ACAN: variants seen among roughly 807,000 people sequenced by gnomAD.
ACAN encodes the protein aggrecan core protein.
ACAN carries 47 observed loss-of-function variants against 169.1 expected under a neutral mutation model. That is an observed-to-expected ratio of 0.28 (90% CI 0.22 to 0.35). ACAN has a LOEUF of 0.35. Ranked by LOEUF, ACAN falls within the 10% of genes least tolerant of loss-of-function variation. ACAN has a pLI of 1.00. For missense variants in ACAN, 2,716 were observed against 2,759.9 expected, an observed-to-expected ratio of 0.98 and a Z score of 0.36; for synonymous variants, 1,115 against 1,112.2, an observed-to-expected ratio of 1.00 and a Z score of -0.05.
Position 88,817,933 on chromosome 15 carries a change from A to G in ACAN, c.-8+14124A>G, listed in dbSNP as rs1009193665. Among the ~76,000 whole-genome samples, 4 of 152,234 alleles carry G rather than the reference A, an allele frequency of 2.6e-5. No homozygotes were observed. The South Asian group carries it at 6.2e-4, about 24-fold the overall frequency. ...TATACTATAGACTTACCACCCAAAG[A>G]TAACCAGAGTTAAATTTCTGTCTGT... is the stretch of plus-strand genomic sequence containing the variant. On this transcript the variant is annotated intron_variant, in intron 1 of 18. Coordinates refer to ENST00000560601, the MANE Select transcript of ACAN (RefSeq NM_001369268.1).
At position 88,814,101 on chromosome 15, in the gene ACAN, G is replaced by A. The variant is rs1392447494; in HGVS notation, c.-8+10292G>A. ...ATAGAAGGGCTCCAGGCTCACCAAA[G>A]TGACTTCGTCAGCAGCCATCCCTCA... On this transcript the variant is annotated intron_variant, in intron 1 of 18. Coordinates refer to ENST00000560601, the MANE Select transcript of ACAN (RefSeq NM_001369268.1). This position sits in a 1 kb window ranked among gnomAD's most constrained non-coding sequence, Gnocchi z 4.0. Among the ~76,000 whole-genome samples, 3 of 152,222 alleles carry A rather than the reference G, an allele frequency of 2.0e-5. No homozygotes were observed. The highest frequency in any genetic ancestry group is 7.2e-5 in the African/African-American group (3 of 41,452).
At chr15:88,808,123 C>T (rs1424109593) in intron 1 of ACAN, among the ~76,000 whole-genome samples, 1 of 152,184 alleles carries the variant, frequency 6.6e-6, no homozygotes, top group Non-Finnish European at 1.5e-5. Context: ...GGCAGATCTG[C>T]AATGCCTGAC....
chr15:88,854,553 C>A (rs1296724708), intron 11 of ACAN, among the ~76,000 whole-genome samples: 2 of 152,168 alleles, frequency 1.3e-5, no homozygotes. Flanking sequence ...CAAAGTACAA[C>A]CTGTGTAGCC....
rs1202193543 is a variant in ACAN, at chr15:88,814,036, A to G, written c.-8+10227A>G. ...ATGACATCTAGTGCTTAGACTCACA[A>G]AAGAATCCATTCAGCCATTGTCTTC... On this transcript the variant is annotated intron_variant, in intron 1 of 18. Transcript: ENST00000560601. The surrounding 1 kb of genome is among the most constrained non-coding windows in gnomAD (Gnocchi z 4.0). Among the ~76,000 whole-genome samples, 1 of 152,288 alleles carries G rather than the reference A, an allele frequency of 6.6e-6. No homozygotes were observed. Among genetic ancestry groups the G allele is most frequent in the African/African-American group, 2.4e-5 (1 of 41,566 alleles).
In ACAN at chr15:88,870,918, C is replaced by T. The variant is rs1319299555; in HGVS notation, c.7061-464C>T. 6.6e-6 allele frequency among the ~76,000 whole-genome samples: 1 copy of T among 152,184 alleles called. No homozygotes were observed. The highest frequency in any genetic ancestry group is 1.5e-5 in the Non-Finnish European group (1 of 68,040). ...GGTTCTGCAGGAAGGAAACTGCCAGCTCCGCTCCATGCCCCAGCGCTACCA... is the reference window on the plus strand; with the variant it reads ...GGTTCTGCAGGAAGGAAACTGCCAGTTCCGCTCCATGCCCCAGCGCTACCA... On this transcript the variant is annotated intron_variant, in intron 14 of 18. Coordinates refer to ENST00000560601, the MANE Select transcript of ACAN (RefSeq NM_001369268.1). This position sits in a 1 kb window ranked among gnomAD's most constrained non-coding sequence, Gnocchi z 6.3.
At chr15:88,828,366 G>A (rs1207836630) in intron 1 of ACAN, among the ~76,000 whole-genome samples, 5 of 152,080 alleles carry the variant, frequency 3.3e-5, no homozygotes, top group South Asian at 4.2e-4. Flanking sequence ...GACACTCTCC[G>A]TGGTGTCATT....
At chr15:88,832,980 C>T (rs541520331) in intron 1 of ACAN, among the ~76,000 whole-genome samples, 9 of 152,304 alleles carry the variant, frequency 5.9e-5, no homozygotes, top group African/African-American at 1.7e-4. Context: ...TTGAAACAGC[C>T]GTGGGGCAGG....
At position 88,849,375 on chromosome 15, in the gene ACAN, G is replaced by A. The variant is rs1896873710; in HGVS notation, c.1733-63G>A. 6.9e-7 allele frequency: 1 copy of A among 1,447,588 alleles called. No individual in the cohort carries two copies. 89.7% of individuals were successfully genotyped at this position (1,447,588 alleles called of 1,614,324 possible). A position where few individuals can be genotyped will look rare whatever the true frequency, so the allele number is the denominator to read the frequency against. On this transcript the variant is annotated intron_variant, in intron 9 of 18. Coordinates refer to ENST00000560601, the MANE Select transcript of ACAN (RefSeq NM_001369268.1). The surrounding 1 kb of genome is among the most constrained non-coding windows in gnomAD (Gnocchi z 5.1). Reference sequence around the variant, plus strand: ...GGTTAGAGGAACTCTGTCCTGGGTGGGCAGGGATGGACCTGGCCTGAGTGT... The same window carrying A: ...GGTTAGAGGAACTCTGTCCTGGGTGAGCAGGGATGGACCTGGCCTGAGTGT...
At chr15:88,853,773 CAT>C (rs1896985665) in intron 11 of ACAN, among the ~76,000 whole-genome samples, 1 of 151,690 alleles carries the variant, frequency 6.6e-6, no homozygotes, top group Non-Finnish European at 1.5e-5. Flanking sequence ...TACATACATA[CAT>C]ACATACATAC....
Position 88,873,066 on chromosome 15 carries a change from A to T in ACAN, c.7447+41A>T. ...GGAGGGGTCAGGGGAGGATAGGATC[A>T]AGACCTCCAGCTACAGGTGAGGCTC... On this transcript the variant is annotated intron_variant, in intron 17 of 18. Transcript: ENST00000560601. This position sits in a 1 kb window ranked among gnomAD's most constrained non-coding sequence, Gnocchi z 7.5. 6.3e-7 allele frequency: 1 copy of T among 1,598,296 alleles called. No homozygotes were observed. Among genetic ancestry groups the T allele is most frequent in the Non-Finnish European group, 8.5e-7 (1 of 1,171,724 alleles).
chr15:88,868,471 T>G lies in ACAN; in HGVS notation c.7060+142T>G. ...GGAGAGCCATTTCAGGGGCCACAAC[T>G]GAAAATTCTGCCCCACTGATTCCCA... On this transcript the variant is annotated intron_variant, in intron 14 of 18. Coordinates refer to ENST00000560601, the MANE Select transcript of ACAN (RefSeq NM_001369268.1). This position sits in a 1 kb window ranked among gnomAD's most constrained non-coding sequence, Gnocchi z 5.2. The G allele has an allele frequency of 3.4e-6, 2 of 587,382 alleles. No homozygotes were observed. Among genetic ancestry groups the G allele is most frequent in the South Asian group, 4.1e-5 (2 of 48,610 alleles). 36.4% of individuals were successfully genotyped at this position (587,382 alleles called of 1,614,324 possible). A position where few individuals can be genotyped will look rare whatever the true frequency, so the allele number is the denominator to read the frequency against.
At chr15:88,803,959 C>G (rs905334001) in intron 1 of ACAN, 150 bp downstream of exon 1, 1 of 152,382 alleles carries the variant, frequency 6.6e-6, no homozygotes, top group African/African-American at 2.4e-5. Flanking sequence ...GCACATCCAC[C>G]GGCTGCGTCC....
At chr15:88,817,368 TC>T (rs1302045165) in intron 1 of ACAN, among the ~76,000 whole-genome samples, 1 of 152,146 alleles carries the variant, frequency 6.6e-6, no homozygotes, top group African/African-American at 2.4e-5. Flanking sequence ...GGTCTTGCTC[TC>T]CTGACCTCAT....
In ACAN at chr15:88,872,983, C is replaced by T; in HGVS notation, c.7405C>T (p.Pro2469Ser). 6.2e-7 allele frequency: 1 copy of T among 1,613,672 alleles called. No individual in the cohort carries two copies. Among genetic ancestry groups the T allele is most frequent in the African/African-American group, 1.3e-5 (1 of 75,028 alleles). The change falls in exon 17 of 19, where the codon CCC becomes TCC. Residue 2469 changes from proline to serine, a missense_variant. By Grantham distance (74) the Pro-to-Ser change is moderately conservative (BLOSUM62 -1). Around this residue, in one of 3 missense-constraint regions of ACAN, gnomAD observed 1,389 missense variants for 1,363.7 expected, o/e 1.02. Coordinates refer to ENST00000560601, the MANE Select transcript of ACAN (RefSeq NM_001369268.1). The surrounding 1 kb of genome is among the most constrained non-coding windows in gnomAD (Gnocchi z 5.4). ...WHEKGEWNDV[P>S]CNYHLPFTCK... ...CGAGAAGGGCGAGTGGAATGATGTT[C>T]CCTGCAATTACCACCTCCCCTTCAC...
rs1897313288 is a variant in ACAN, at chr15:88,868,298, TC to T, written c.7032del (p.Ser2345AlafsTer49). 1 of 702,726 alleles carries T rather than the reference TC, an allele frequency of 1.4e-6. No individual in the cohort carries two copies. Among genetic ancestry groups the T allele is most frequent in the Non-Finnish European group, 2.6e-6 (1 of 384,850 alleles). 43.5% of individuals were successfully genotyped at this position (702,726 alleles called of 1,614,324 possible). On this transcript the variant is annotated frameshift_variant, in exon 14 of 19. Transcript: ENST00000560601. LOFTEE classifies it high-confidence loss of function. This position sits in a 1 kb window ranked among gnomAD's most constrained non-coding sequence, Gnocchi z 5.2. ...TCGACTCTTTCACATGCTTATGCCT[TC>T]CCAGCTACGAAGGGGACCTGTGTGA... is the stretch of plus-strand genomic sequence containing the variant. ...AIDSFTCLCL[P>X]SYEGDLCEID...
In ACAN at chr15:88,843,617, C is replaced by T. The variant is rs770477808; in HGVS notation, c.1020C>T (p.Pro340=). The T allele has an allele frequency of 1.3e-6, 2 of 1,591,578 alleles. No individual in the cohort carries two copies. Among genetic ancestry groups the T allele is most frequent in the Non-Finnish European group, 1.7e-6 (2 of 1,162,988 alleles). Residue 340 remains proline, a synonymous_variant, in exon 6 of 19, where the codon CCC becomes CCT. Coordinates refer to ENST00000560601, the MANE Select transcript of ACAN (RefSeq NM_001369268.1). This position sits in a 1 kb window ranked among gnomAD's most constrained non-coding sequence, Gnocchi z 4.0. ...CCAACCAGACGGGCTACCCCGACCCCTCATCCCGCTACGACGCCATCTGCT... is the reference window on the plus strand; with the variant it reads ...CCAACCAGACGGGCTACCCCGACCCTTCATCCCGCTACGACGCCATCTGCT... ...VHANQTGYPD[P]SSRYDAICYT...
Position 88,837,745 on chromosome 15 carries a change from G to A in ACAN, c.71-918G>A, listed in dbSNP as rs1288724915. Among the ~76,000 whole-genome samples, 4 of 152,130 alleles carry A rather than the reference G, an allele frequency of 2.6e-5. 1 individual carries two copies. Among genetic ancestry groups the A allele is most frequent in the Admixed American group, 2.0e-4 (3 of 15,280 alleles). On this transcript the variant is annotated intron_variant, in intron 2 of 18. Transcript: ENST00000560601. ...CAGGACATCAGAAGGTTAAGGCCTG[G>A]ACTCTAAGCATTCCTCGCTCCCCTC...
chr15:88,826,096 C>T (rs943192097), intron 1 of ACAN, among the ~76,000 whole-genome samples: 2 of 152,202 alleles, frequency 1.3e-5, no homozygotes, highest in Non-Finnish European at 2.9e-5. Flanking sequence ...GGTACGCGGT[C>T]TCTCATGGTA....
At chr15:88,848,143 T>C in intron 9 of ACAN, 105 bp downstream of exon 9, 1 of 1,470,354 alleles carries the variant, frequency 6.8e-7, no homozygotes. Flanking sequence ...CACCCACCCC[T>C]GATTCCACCC....
Sources: gnomAD v4.1 joint callset for allele counts (sites outside exome capture counted in the v4.1 genomes callset) on GRCh38, gnomAD v4.1.1 for gene constraint, gnomAD v4.1.1 regional missense constraint, Gnocchi (gnomAD v3.1) non-coding constraint, MANE v1.5 for transcripts, NCBI Gene and HGNC (gene_info 2026-07-23, HGNC 2026-07-21) for gene names.